Variants in CLASP2 observed in about 807,000 individuals in gnomAD.
The protein encoded by CLASP2 is cytoplasmic linker associated protein 2.
A neutral mutation model predicts 194.4 loss-of-function variants in CLASP2; 47 were observed. The ratio of observed to expected loss-of-function variants is 0.24; its 90% CI spans 0.19 to 0.31. CLASP2 has a LOEUF of 0.31. CLASP2 is among the 10% of genes least tolerant of loss of function. CLASP2 has a pLI of 1.00. For missense variants in CLASP2, 1,445 were observed against 1,823.6 expected (o/e 0.79, Z 3.78); for synonymous variants, 619 against 633.5 (o/e 0.98, Z 0.34).
chr3:33,597,908 A>G (rs1219749036), intron 18 of CLASP2, among the ~76,000 whole-genome samples: 1 of 151,862 alleles, frequency 6.6e-6, no homozygotes, highest in African/African-American at 2.4e-5. Flanking sequence ...ATGTGCCACC[A>G]CGCCTGGCTA....
intron 1 of CLASP2, among the ~76,000 whole-genome samples, chr3:33,706,843 T>C (rs944807362): frequency 1.2e-4 from 19 of 152,062 alleles, no homozygotes; most frequent in African/African-American, 4.6e-4. Context: ...TGTGCGCCTG[T>C]AGTCCCAGCT....
intron 18 of CLASP2, among the ~76,000 whole-genome samples, chr3:33,598,595 T>A (rs560999505): frequency 6.6e-6 from 1 of 152,316 alleles, no homozygotes; most frequent in East Asian, 1.9e-4. Context: ...GATACAAACA[T>A]AATTAACTTC....
chr3:33,664,159 A>C (rs573707449), intron 6 of CLASP2, among the ~76,000 whole-genome samples: 6 of 152,234 alleles, frequency 3.9e-5, no homozygotes, highest in Non-Finnish European at 5.9e-5. Flanking sequence ...AATAGGAACA[A>C]AGAAAAAACC....
Position 33,535,986 on chromosome 3 carries a change from T to C in CLASP2, c.3559-525A>G, listed in dbSNP as rs76755933. ...ACTTTTGGAAGGATGCCAAAAGAAT[T>C]TGGGTACATACTTATCAAAATATGA... On this transcript the variant is annotated intron_variant, in intron 33 of 38. Transcript: ENST00000682230. Among the ~76,000 whole-genome samples, 39 of 151,714 alleles carry C rather than the reference T, an allele frequency of 2.6e-4. No individual in the cohort carries two copies. In the East Asian group the frequency reaches 5.6e-3, roughly 22 times the overall value.
In CLASP2 at chr3:33,717,988, G is replaced by T. The variant is rs1485737465; in HGVS notation, c.15C>A (p.Ser5Arg). The change falls in exon 1 of 39, where the codon AGC becomes AGA. Residue 5 changes from serine to arginine, a missense_variant. By Grantham distance (110) the Ser-to-Arg change is moderately radical (BLOSUM62 -1). Transcript: ENST00000682230. MEPR[S>R]MEYFCAQVQQ... ...GCACCTGGGCGCAGAAGTACTCCAT[G>T]CTGCGGGGCTCCATGGCTGCGGCCG... The T allele has an allele frequency of 6.6e-7, 1 of 1,508,294 alleles. No individual in the cohort carries two copies. Among genetic ancestry groups the T allele is most frequent in the Admixed American group, 2.3e-5 (1 of 44,118 alleles). 93.4% of individuals were successfully genotyped at this position (1,508,294 alleles called of 1,614,324 possible).
intron 21 of CLASP2, 69 bp from the exon 22 acceptor site, chr3:33,584,989 T>A: frequency 7.2e-7 from 1 of 1,398,440 alleles, no homozygotes; most frequent in Non-Finnish European, 9.7e-7. Flanking sequence ...AGGATAAAAA[T>A]TCAAGAAATA....
intron 21 of CLASP2, among the ~76,000 whole-genome samples, chr3:33,589,448 G>A (rs1016752349): frequency 6.6e-5 from 10 of 152,042 alleles, no homozygotes; most frequent in African/African-American, 2.4e-4. Flanking sequence ...AAGTAAGGAT[G>A]ATGATCACAG....
intron 8 of CLASP2, among the ~76,000 whole-genome samples, chr3:33,635,919 G>C (rs1226703702): frequency 1.3e-5 from 2 of 151,962 alleles, no homozygotes; most frequent in Non-Finnish European, 2.9e-5. Context: ...TTCATTTCAA[G>C]TAATTGAGGA....
Position 33,565,483 on chromosome 3 carries a change from T to C in CLASP2, c.2766+1249A>G, listed in dbSNP as rs539471871. ...GACATGAGCCATCACACCTGGCTAA[T>C]AACATTTTATTTTCTCTAGTTTACT... On this transcript the variant is annotated intron_variant, in intron 27 of 38. Coordinates refer to ENST00000682230, the MANE Select transcript of CLASP2 (RefSeq NM_001365631.1). 2.4e-4 allele frequency among the ~76,000 whole-genome samples: 36 copies of C among 152,176 alleles called. 1 individual carries two copies. Among genetic ancestry groups the C allele is most frequent in the Non-Finnish European group, 2.1e-4 (14 of 67,950 alleles).
At chr3:33,504,621 CT>C (rs1291581360) in intron 37 of CLASP2, 3 of 152,198 alleles carry the variant, frequency 2.0e-5, no homozygotes, top group Non-Finnish European at 4.4e-5. Flanking sequence ...GGTCCCCAGC[CT>C]TTTTGGCACC....
intron 26 of CLASP2, 58 bp downstream of exon 26, chr3:33,570,669 T>A: frequency 6.4e-7 from 1 of 1,563,258 alleles, no homozygotes; most frequent in Non-Finnish European, 8.7e-7. Flanking sequence ...TTTTTCTGCT[T>A]TGACAATATA....
intron 20 of CLASP2, 172 bp from the exon 21 acceptor site, chr3:33,592,668 G>C (rs1005900083): frequency 1.5e-6 from 1 of 657,280 alleles, no homozygotes; most frequent in Non-Finnish European, 2.7e-6. Flanking sequence ...TTTTTTTTAC[G>C]TGTTATACCA....
At chr3:33,617,683 G>C (rs1440591388) in intron 12 of CLASP2, among the ~76,000 whole-genome samples, 2 of 151,504 alleles carry the variant, frequency 1.3e-5, no homozygotes, top group Non-Finnish European at 2.9e-5. Context: ...TAATATCCTT[G>C]ATATATAAAA....
chr3:33,560,659 A>T (rs1014715456), intron 28 of CLASP2, 149 bp downstream of exon 28: 57 of 655,066 alleles, frequency 8.7e-5, no homozygotes, highest in Non-Finnish European at 1.4e-4. Flanking sequence ...TTAAATATAC[A>T]ATATGAATGG....
intron 1 of CLASP2, among the ~76,000 whole-genome samples, chr3:33,713,853 A>G (rs1471232977): frequency 1.3e-5 from 2 of 152,070 alleles, no homozygotes; most frequent in African/African-American, 4.8e-5. Context: ...ACGTCAACTT[A>G]CTCTATGGTT....
At chr3:33,557,016 C>G (rs1004068064) in intron 29 of CLASP2, among the ~76,000 whole-genome samples, 2 of 151,954 alleles carry the variant, frequency 1.3e-5, no homozygotes, top group Non-Finnish European at 2.9e-5. Context: ...CTCTGTCTCC[C>G]AAGCTGGAGT....
intron 3 of CLASP2, among the ~76,000 whole-genome samples, chr3:33,688,681 G>A (rs542720911): frequency 6.6e-6 from 1 of 152,244 alleles, no homozygotes; most frequent in African/African-American, 2.4e-5. Context: ...CTATAATTAA[G>A]AAACCTTCAA....
At chr3:33,623,947 T>C (rs2077545661) in intron 10 of CLASP2, among the ~76,000 whole-genome samples, 2 of 152,160 alleles carry the variant, frequency 1.3e-5, no homozygotes, top group Admixed American at 1.3e-4. Flanking sequence ...AAGCCTTTCC[T>C]CTAAGGTCTG....
intron 1 of CLASP2, among the ~76,000 whole-genome samples, chr3:33,704,508 T>G (rs545676851): frequency 6.6e-6 from 1 of 152,142 alleles, no homozygotes; most frequent in Non-Finnish European, 1.5e-5. Flanking sequence ...TCCCAGCACT[T>G]TGAGAGGCCA....
Sources: allele counts gnomAD v4.1 joint callset (sites outside exome capture counted in the v4.1 genomes callset), GRCh38; gene constraint gnomAD v4.1.1; transcripts MANE v1.5; gene names NCBI Gene and HGNC (gene_info 2026-07-23, HGNC 2026-07-21).